The following SEMA6D variants were observed in gnomAD, a reference collection of about 807,000 sequenced individuals.
SEMA6D encodes the protein semaphorin-6D.
Under a neutral mutation model 106.6 loss-of-function variants are expected in SEMA6D, and 35 were observed. The ratio of observed to expected loss-of-function variants is 0.33; its 90% CI spans 0.25 to 0.44. SEMA6D has a LOEUF of 0.44. SEMA6D is among the 20% of genes least tolerant of loss of function. The pLI is 1.00. For missense variants in SEMA6D, 1,185 were observed against 1,345.9 expected (o/e 0.88, Z 1.87); for synonymous variants, 499 against 487.7 (o/e 1.02, Z -0.31).
At chr15:47,417,229 A>G (rs1185232758) in intron 2 of SEMA6D, among the ~76,000 whole-genome samples, 1 of 152,134 alleles carries the variant, frequency 6.6e-6, no homozygotes. Context: ...ACATTTTAAA[A>G]GCTTGAATAT....
At chr15:47,374,436 G>A (rs2039382466) in intron 1 of SEMA6D, among the ~76,000 whole-genome samples, 1 of 152,146 alleles carries the variant, frequency 6.6e-6, no homozygotes, top group Non-Finnish European at 1.5e-5. Context: ...TGTTTAGTCA[G>A]CAGGAATGGC....
chr15:47,497,940 G>T (rs959888506), intron 3 of SEMA6D, among the ~76,000 whole-genome samples: 1 of 151,974 alleles, frequency 6.6e-6, no homozygotes, highest in Admixed American at 6.6e-5. Flanking sequence ...ACTACATCAG[G>T]ACCTCAGCAT....
intron 1 of SEMA6D, among the ~76,000 whole-genome samples, chr15:47,380,037 T>C (rs545607071): frequency 6.6e-6 from 1 of 152,334 alleles, no homozygotes; most frequent in Non-Finnish European, 1.5e-5. Context: ...ATTACAGGCG[T>C]GAGCCACCAT....
At chr15:47,285,266 T>C (rs377386995) in intron 1 of SEMA6D, among the ~76,000 whole-genome samples, 6 of 152,242 alleles carry the variant, frequency 3.9e-5, no homozygotes, top group African/African-American at 1.4e-4. Flanking sequence ...CTCTCTGTCT[T>C]TCTCTTTTTT....
intron 2 of SEMA6D, among the ~76,000 whole-genome samples, chr15:47,438,623 G>C (rs1326366001): frequency 6.6e-6 from 1 of 151,630 alleles, no homozygotes; most frequent in African/African-American, 2.4e-5. Flanking sequence ...GGCAGTTGCT[G>C]TCCTTCTGGT....
At chr15:47,563,445 A>G (rs2046136929) in intron 3 of SEMA6D, among the ~76,000 whole-genome samples, 1 of 152,174 alleles carries the variant, frequency 6.6e-6, no homozygotes, top group Non-Finnish European at 1.5e-5. Flanking sequence ...CTGTTCTTGA[A>G]ATGCTATGGC....
chr15:47,709,638 T>C (rs1311564108), intron 4 of SEMA6D, among the ~76,000 whole-genome samples: 2 of 152,122 alleles, frequency 1.3e-5, no homozygotes, highest in African/African-American at 4.8e-5. Context: ...TCACCTTGAT[T>C]AGATTTTGTA....
intron 3 of SEMA6D, among the ~76,000 whole-genome samples, chr15:47,557,830 G>A (rs2045958720): frequency 6.6e-6 from 1 of 152,004 alleles, no homozygotes; most frequent in African/African-American, 2.4e-5. Context: ...TGTTAGAACG[G>A]GCCTGTTAAT....
At chr15:47,377,240 T>A (rs2039480417) in intron 1 of SEMA6D, among the ~76,000 whole-genome samples, 1 of 152,234 alleles carries the variant, frequency 6.6e-6, no homozygotes, top group South Asian at 2.1e-4. Flanking sequence ...ATAATTTACA[T>A]GGTGATAATA....
At chr15:47,584,541 T>A (rs994816618) in intron 3 of SEMA6D, among the ~76,000 whole-genome samples, 1 of 152,120 alleles carries the variant, frequency 6.6e-6, no homozygotes, top group African/African-American at 2.4e-5. Context: ...CTCATGCAAA[T>A]AGCCATTTAA....
chr15:47,671,475 C>G (rs1368522963), intron 4 of SEMA6D, among the ~76,000 whole-genome samples: 1 of 152,076 alleles, frequency 6.6e-6, no homozygotes, highest in Non-Finnish European at 1.5e-5. Context: ...AATTGTTAGA[C>G]AAACATCAGA....
At chr15:47,276,971 A>C (rs561248571) in intron 1 of SEMA6D, among the ~76,000 whole-genome samples, 4 of 152,122 alleles carry the variant, frequency 2.6e-5, no homozygotes, top group Non-Finnish European at 5.9e-5. Flanking sequence ...ATTGATTCCA[A>C]CTCTCATGGA....
At chr15:47,372,510 A>C (rs1328599959) in intron 1 of SEMA6D, among the ~76,000 whole-genome samples, 11 of 152,146 alleles carry the variant, frequency 7.2e-5, no homozygotes, top group Admixed American at 7.2e-4. Flanking sequence ...ACAACCTGAG[A>C]GCTCCCTATT....
chr15:47,566,549 A>G (rs78724097), intron 3 of SEMA6D, among the ~76,000 whole-genome samples: 7,046 of 152,304 alleles, frequency 0.046, 178 homozygotes, highest in South Asian at 0.089. Context: ...CATAGTGACA[A>G]AGAACATAGA....
chr15:47,743,630 T>A (rs1450627255), intron 1 of SEMA6D, among the ~76,000 whole-genome samples: 2 of 151,806 alleles, frequency 1.3e-5, no homozygotes, highest in Non-Finnish European at 2.9e-5. Context: ...AGAAGGAAAA[T>A]CCTGGTGGGA....
At chr15:47,362,506 T>TC (rs1228040216) in intron 1 of SEMA6D, among the ~76,000 whole-genome samples, 2 of 152,142 alleles carry the variant, frequency 1.3e-5, no homozygotes, top group Non-Finnish European at 1.5e-5. Flanking sequence ...CCTCTCCGTG[T>TC]CCCCATCTCA....
At chr15:47,572,946 G>GA (rs1350994345) in intron 3 of SEMA6D, among the ~76,000 whole-genome samples, 1 of 151,438 alleles carries the variant, frequency 6.6e-6, no homozygotes, top group Non-Finnish European at 1.5e-5. Flanking sequence ...CAGAGCATTT[G>GA]AAAAAAATAT....
At chr15:47,404,061 A>C (rs139613122) in intron 1 of SEMA6D, among the ~76,000 whole-genome samples, 17 of 152,352 alleles carry the variant, frequency 1.1e-4, no homozygotes, top group African/African-American at 4.1e-4. Flanking sequence ...TGTGTCTGAT[A>C]ACTCCTGAGA....
chr15:47,550,869 C>G (rs1755046786), intron 3 of SEMA6D, among the ~76,000 whole-genome samples: 1 of 152,080 alleles, frequency 6.6e-6, no homozygotes, highest in African/African-American at 2.4e-5. Flanking sequence ...CAGAAACATC[C>G]CCAACTTGGG....
Sources: allele counts gnomAD v4.1 joint callset (sites outside exome capture counted in the v4.1 genomes callset), GRCh38; gene constraint gnomAD v4.1.1; transcripts MANE v1.5; gene names NCBI Gene and HGNC (gene_info 2026-07-23, HGNC 2026-07-21).